Variants in CDH13 observed in about 807,000 individuals in gnomAD.
CDH13 encodes cadherin-13.
Under a neutral mutation model 63.8 loss-of-function variants are expected in CDH13, and 24 were observed. The observed-to-expected ratio is 0.38, with a 90% CI of 0.27 to 0.53. The LOEUF is 0.53. CDH13 is among the 20% of genes least tolerant of loss of function. The pLI, the probability that CDH13 is intolerant of heterozygous loss-of-function variation, is 0.85. For missense variants in CDH13, 1,049 were observed against 903.1 expected (o/e 1.16, Z -2.07); for synonymous variants, 503 against 355.3 (o/e 1.42, Z -4.67).
At chr16:82,689,841 T>C (rs900889165) in intron 1 of CDH13, among the ~76,000 whole-genome samples, 2 of 151,880 alleles carry the variant, frequency 1.3e-5, no homozygotes, top group African/African-American at 2.4e-5. Flanking sequence ...CAGTAAGTTG[T>C]GCCTGATTAA....
At chr16:82,749,821 C>T (rs2034336906) in intron 1 of CDH13, among the ~76,000 whole-genome samples, 1 of 151,962 alleles carries the variant, frequency 6.6e-6, no homozygotes, top group South Asian at 2.1e-4. Context: ...TCCTCCTTTC[C>T]TTTATGTTCA....
rs138251291 is a variant in CDH13 at position 82,922,595 on chromosome 16, C to T, written c.157+64122C>T. On this transcript the variant is annotated intron_variant, in intron 2 of 13. Transcript: ENST00000567109. ...TGCTATAACAGGTATGCCTTCAAAA[C>T]TCAGGATCTTAACAAGTTGGTACTT... is the stretch of plus-strand genomic sequence containing the variant. 2.3e-3 allele frequency among the ~76,000 whole-genome samples: 349 copies of T among 152,292 alleles called. 1 individual carries two copies. The highest frequency in any genetic ancestry group is 8.1e-3 in the African/African-American group (335 of 41,552).
At position 83,606,762 on chromosome 16, in the gene CDH13, A is replaced by G. The variant is rs7185236; in HGVS notation, c.1101+4168A>G. On this transcript the variant is annotated intron_variant, in intron 8 of 13. Transcript: ENST00000567109. ...AAAAAGTTTGCAGGTAGACAGACCC[A>G]GGCCAGTTTGGTAATGACATGATAT... Among the ~76,000 whole-genome samples the G allele has an allele frequency of 5.4e-3, 809 of 150,480 alleles. 5 individuals are homozygous for G. The highest frequency in any genetic ancestry group is 0.019 in the African/African-American group (761 of 41,020).
chr16:82,937,525 A>G (rs1015797685), intron 2 of CDH13, among the ~76,000 whole-genome samples: 20 of 152,166 alleles, frequency 1.3e-4, no homozygotes, highest in African/African-American at 3.6e-4. Flanking sequence ...TCAGAGATCT[A>G]TTCCTAACCT....
At chr16:82,733,949 C>T (rs1474235677) in intron 1 of CDH13, among the ~76,000 whole-genome samples, 14 of 152,170 alleles carry the variant, frequency 9.2e-5, no homozygotes, top group Admixed American at 9.2e-4. Flanking sequence ...ATGGCACTTA[C>T]TTCTTAGGGA....
chr16:82,842,428 G>GTA (rs968799871), intron 1 of CDH13, among the ~76,000 whole-genome samples: 1 of 151,636 alleles, frequency 6.6e-6, no homozygotes, highest in African/African-American at 2.4e-5. Context: ...TCTTCACACT[G>GTA]TACCACTCTT....
At chr16:82,744,560 C>T (rs2151059167) in intron 1 of CDH13, among the ~76,000 whole-genome samples, 1 of 152,170 alleles carries the variant, frequency 6.6e-6, no homozygotes, top group Middle Eastern at 3.4e-3. Flanking sequence ...AATACCAGGT[C>T]CCTTTCCCCT....
intron 10 of CDH13, among the ~76,000 whole-genome samples, chr16:83,699,329 G>T (rs192569871): frequency 1.3e-5 from 2 of 152,356 alleles, no homozygotes; most frequent in African/African-American, 4.8e-5. Context: ...CAGCCACTGA[G>T]TGTGGGAGCA....
intron 5 of CDH13, among the ~76,000 whole-genome samples, chr16:83,304,546 A>G (rs1383917935): frequency 6.6e-6 from 1 of 152,214 alleles, no homozygotes; most frequent in Admixed American, 6.5e-5. Flanking sequence ...TTAATACAGA[A>G]TGACTATCAA....
At chr16:82,775,289 C>T (rs960951370) in intron 1 of CDH13, among the ~76,000 whole-genome samples, 8 of 152,156 alleles carry the variant, frequency 5.3e-5, no homozygotes, top group East Asian at 3.8e-4. Flanking sequence ...AGAAAGTCAG[C>T]GGAGCCTCCT....
intron 12 of CDH13, among the ~76,000 whole-genome samples, chr16:83,781,949 A>C (rs1444069515): frequency 6.6e-6 from 1 of 152,044 alleles, no homozygotes; most frequent in Non-Finnish European, 1.5e-5. Context: ...AAGAAGAAAA[A>C]AAAAAAGATT....
chr16:83,438,676 G>T (rs888913896), intron 6 of CDH13, among the ~76,000 whole-genome samples: 1 of 152,174 alleles, frequency 6.6e-6, no homozygotes, highest in African/African-American at 2.4e-5. Context: ...TATATAGTAC[G>T]TTCTTTCCCA....
intron 10 of CDH13, among the ~76,000 whole-genome samples, chr16:83,683,056 AC>A (rs2150878343): frequency 6.6e-6 from 1 of 152,268 alleles, no homozygotes; most frequent in South Asian, 2.1e-4. Flanking sequence ...GCGGCCAGAC[AC>A]CCTTTCATCT....
At chr16:83,261,666 A>C (rs1014412581) in intron 5 of CDH13, among the ~76,000 whole-genome samples, 1 of 152,102 alleles carries the variant, frequency 6.6e-6, no homozygotes, top group Non-Finnish European at 1.5e-5. Flanking sequence ...AAGCCCTGCA[A>C]AAAACTTGCA....
chr16:83,629,653 C>A (rs1288766750), intron 8 of CDH13, among the ~76,000 whole-genome samples: 1 of 152,190 alleles, frequency 6.6e-6, no homozygotes, highest in Non-Finnish European at 1.5e-5. Context: ...AATTACACTC[C>A]CTCATTTATC....
chr16:82,657,640 G>T (rs746773488), intron 1 of CDH13, among the ~76,000 whole-genome samples: 1 of 152,218 alleles, frequency 6.6e-6, no homozygotes, highest in African/African-American at 2.4e-5. Flanking sequence ...TACATTTCAT[G>T]TACACAGTTT....
intron 8 of CDH13, among the ~76,000 whole-genome samples, chr16:83,649,816 C>A (rs1334129384): frequency 6.6e-6 from 1 of 152,174 alleles, no homozygotes; most frequent in African/African-American, 2.4e-5. Flanking sequence ...GCCCACTTTG[C>A]AGCTTTGCTG....
chr16:83,755,329 G>C (rs1232788814), intron 11 of CDH13, among the ~76,000 whole-genome samples: 1 of 152,174 alleles, frequency 6.6e-6, no homozygotes, highest in South Asian at 2.1e-4. Flanking sequence ...AAAGACTAGT[G>C]TGTGGAATTG....
chr16:82,937,446 C>T (rs931148048), intron 2 of CDH13, among the ~76,000 whole-genome samples: 4 of 151,994 alleles, frequency 2.6e-5, no homozygotes, highest in South Asian at 2.1e-4. Context: ...CAGACACACA[C>T]ACACACACAC....
Sources: gnomAD v4.1 joint callset for allele counts (sites outside exome capture counted in the v4.1 genomes callset) on GRCh38, gnomAD v4.1.1 for gene constraint, MANE v1.5 for transcripts, NCBI Gene and HGNC (gene_info 2026-07-23, HGNC 2026-07-21) for gene names.